ZC2HC1A: variants seen among roughly 807,000 people sequenced by gnomAD.
The protein encoded by ZC2HC1A is zinc finger C2HC domain-containing protein 1A.
In ZC2HC1A, 28 loss-of-function variants were observed where a neutral mutation model predicts 40.7. The observed-to-expected ratio is 0.69, with a 90% CI of 0.51 to 0.94. The LOEUF is 0.94. Ranked by LOEUF, ZC2HC1A falls within the 40% of genes least tolerant of loss-of-function variation. The pLI is 0.00. For missense variants in ZC2HC1A, 389 were observed against 386.3 expected, an observed-to-expected ratio of 1.01 and a Z score of -0.06; for synonymous variants, 129 against 129.2, an observed-to-expected ratio of 1.00 and a Z score of 0.01.
intron 3 of ZC2HC1A, among the ~76,000 whole-genome samples, chr8:78,681,014 A>G (rs952788807): frequency 4.6e-5 from 7 of 152,126 alleles, no homozygotes; most frequent in African/African-American, 1.7e-4. Context: ...AGAGGCCCTT[A>G]GAAAACATTA....
chr8:78,666,101 T>A lies in ZC2HC1A; in HGVS notation c.-48T>A. 1 of 1,555,534 alleles carries A rather than the reference T, an allele frequency of 6.4e-7. No individual in the cohort carries two copies. The highest frequency in any genetic ancestry group is 8.7e-7 in the Non-Finnish European group (1 of 1,149,720). On this transcript the variant is annotated 5_prime_UTR_variant, in exon 1 of 9. Coordinates refer to ENST00000263849, the MANE Select transcript of ZC2HC1A (RefSeq NM_016010.3). ...GGTTGCTACAGCCAGAGCTGGGCGG[T>A]GGCGGGCGCTGCTGAAGGAGTCTCG...
In ZC2HC1A at chr8:78,673,589, C is replaced by A. The variant is rs183085778; in HGVS notation, c.17-2198C>A. Among the ~76,000 whole-genome samples the A allele has an allele frequency of 4.8e-3, 726 of 152,268 alleles. 4 individuals carry two copies. Among genetic ancestry groups the A allele is most frequent in the African/African-American group, 0.017 (699 of 41,558 alleles). Reference sequence around the variant, plus strand: ...CTCTCCAACATCTGTTGTTTCCTGACTTTTTAATGATCGCCATTCTAACTG... The same window carrying A: ...CTCTCCAACATCTGTTGTTTCCTGAATTTTTAATGATCGCCATTCTAACTG... On this transcript the variant is annotated intron_variant, in intron 1 of 8. Coordinates refer to ENST00000263849, the MANE Select transcript of ZC2HC1A (RefSeq NM_016010.3).
chr8:78,692,694 C>T lies in ZC2HC1A; in HGVS notation c.504+3321C>T, dbSNP rs111604332. Among the ~76,000 whole-genome samples, 1,339 of 152,058 alleles carry T rather than the reference C, an allele frequency of 8.8e-3. 24 individuals carry two copies. Among genetic ancestry groups the T allele is most frequent in the African/African-American group, 0.03 (1,243 of 41,468 alleles). On this transcript the variant is annotated intron_variant, in intron 5 of 8. Coordinates refer to ENST00000263849, the MANE Select transcript of ZC2HC1A (RefSeq NM_016010.3). ...TGCTACCTGTAGGATGGTTATATAG[C>T]CACTTCACCCCTCCAACATTGAGCT...
Position 78,718,321 on chromosome 8 carries a change from AAT to A in ZC2HC1A, c.*829_*830del, listed in dbSNP as rs1274796788. On this transcript the variant is annotated 3_prime_UTR_variant, in exon 9 of 9. Coordinates refer to ENST00000263849, the MANE Select transcript of ZC2HC1A (RefSeq NM_016010.3). ...CATTTTTTGCTGTATTTGAAAATGT[AAT>A]TATTTAATATAGAAGGCACAGAATT... 1 of 152,000 alleles carries A rather than the reference AAT, an allele frequency of 6.6e-6. No individual in the cohort carries two copies. The highest frequency in any genetic ancestry group is 1.5e-5 in the Non-Finnish European group (1 of 67,870). 9.4% of individuals were successfully genotyped at this position (152,000 alleles called of 1,614,324 possible).
intron 5 of ZC2HC1A, among the ~76,000 whole-genome samples, chr8:78,695,964 T>A (rs1160525811): frequency 2.6e-5 from 4 of 152,194 alleles, no homozygotes; most frequent in Non-Finnish European, 4.4e-5. Flanking sequence ...TAGTAGTGCA[T>A]CTTAAATTTT....
rs527468162 is a variant in ZC2HC1A, at chr8:78,719,306, T to G, written c.*1813T>G. 5 of 151,894 alleles carry G rather than the reference T, an allele frequency of 3.3e-5. No homozygotes were observed. The South Asian group carries it at 8.3e-4, about 25-fold the overall frequency. The allele number at this position is 151,894 out of a possible 1,614,324, so 9.4% of individuals were successfully genotyped here. A position where few individuals can be genotyped will look rare whatever the true frequency, so the allele number is the denominator to read the frequency against. ...AGATAAATAATTGGCACACATTTGT[T>G]TCTCACTGAATTTTACAGTAGTAAA... is the stretch of plus-strand genomic sequence containing the variant. On this transcript the variant is annotated 3_prime_UTR_variant, in exon 9 of 9. Coordinates refer to ENST00000263849, the MANE Select transcript of ZC2HC1A (RefSeq NM_016010.3).
At chr8:78,688,059 G>T (rs1377365043) in intron 4 of ZC2HC1A, among the ~76,000 whole-genome samples, 1 of 150,210 alleles carries the variant, frequency 6.7e-6, no homozygotes, top group South Asian at 2.1e-4. Context: ...CAACAGGCAG[G>T]CTGGATTTGG....
chr8:78,698,998 C>T (rs1447598925), intron 7 of ZC2HC1A, among the ~76,000 whole-genome samples: 2 of 152,034 alleles, frequency 1.3e-5, no homozygotes, highest in African/African-American at 2.4e-5. Flanking sequence ...ACTCTTTTCA[C>T]GTTTTTATTA....
intron 2 of ZC2HC1A, among the ~76,000 whole-genome samples, chr8:78,676,375 G>A (rs1377279786): frequency 6.6e-6 from 1 of 151,806 alleles, no homozygotes; most frequent in Non-Finnish European, 1.5e-5. Context: ...CAATGTAAAA[G>A]TACACCTAAA....
intron 1 of ZC2HC1A, among the ~76,000 whole-genome samples, chr8:78,668,623 G>A (rs544715380): frequency 6.6e-6 from 1 of 152,202 alleles, no homozygotes; most frequent in East Asian, 1.9e-4. Flanking sequence ...GTCAATAGAT[G>A]AGGTATTAGG....
intron 1 of ZC2HC1A, among the ~76,000 whole-genome samples, chr8:78,671,792 G>A (rs1052290449): frequency 6.6e-6 from 1 of 151,330 alleles, no homozygotes; most frequent in Non-Finnish European, 1.5e-5. Flanking sequence ...CCTTAATGTG[G>A]TGTACACTAC....
chr8:78,689,608 C>A (rs111664814), intron 5 of ZC2HC1A, among the ~76,000 whole-genome samples: 1 of 151,784 alleles, frequency 6.6e-6, no homozygotes, highest in African/African-American at 2.4e-5. Context: ...TGTGGATATT[C>A]TATTGTCTTA....
chr8:78,687,151 A>G (rs1307973660), intron 4 of ZC2HC1A, among the ~76,000 whole-genome samples: 1 of 152,074 alleles, frequency 6.6e-6, no homozygotes, highest in Non-Finnish European at 1.5e-5. Flanking sequence ...GATTTTTGCA[A>G]CCTTGTATGA....
chr8:78,672,736 T>G (rs1297754365), intron 1 of ZC2HC1A, among the ~76,000 whole-genome samples: 1 of 152,172 alleles, frequency 6.6e-6, no homozygotes, highest in Non-Finnish European at 1.5e-5. Context: ...TATTCTGGTC[T>G]TTTTGCCCAC....
At chr8:78,697,569 A>G in intron 6 of ZC2HC1A, 63 bp downstream of exon 6, 1 of 1,210,788 alleles carries the variant, frequency 8.3e-7, no homozygotes, top group South Asian at 1.3e-5. Context: ...GCAGGAAATA[A>G]AGATAGTGGT....
intron 7 of ZC2HC1A, among the ~76,000 whole-genome samples, chr8:78,705,976 C>T (rs1810760240): frequency 6.6e-6 from 1 of 152,042 alleles, no homozygotes; most frequent in Non-Finnish European, 1.5e-5. Flanking sequence ...GTTGTGAGGT[C>T]CTGCTCTGTG....
intron 5 of ZC2HC1A, among the ~76,000 whole-genome samples, chr8:78,696,043 CTT>C (rs1022267808): frequency 6.7e-6 from 1 of 148,582 alleles, no homozygotes; most frequent in Non-Finnish European, 1.5e-5. Context: ...ATTTTTCTTT[CTT>C]TTTTTTTTGA....
At chr8:78,714,283 A>G (rs1373721442) in intron 7 of ZC2HC1A, among the ~76,000 whole-genome samples, 1 of 152,136 alleles carries the variant, frequency 6.6e-6, no homozygotes, top group Non-Finnish European at 1.5e-5. Flanking sequence ...TATGAACGCT[A>G]CCTATTTCAT....
intron 3 of ZC2HC1A, chr8:78,679,108 T>G (rs1049673848): frequency 1.3e-5 from 2 of 152,352 alleles, no homozygotes; most frequent in Non-Finnish European, 2.9e-5. Context: ...TAATAGATAC[T>G]GCTTATTTTG....
Sources: allele counts gnomAD v4.1 joint callset (sites outside exome capture counted in the v4.1 genomes callset), GRCh38; gene constraint gnomAD v4.1.1; transcripts MANE v1.5; gene names NCBI Gene and HGNC (gene_info 2026-07-23, HGNC 2026-07-21).